Variants in SLC2A9 observed in about 807,000 individuals in gnomAD.
SLC2A9 encodes the protein solute carrier family 2 member 9.
A neutral mutation model predicts 50.6 loss-of-function variants in SLC2A9; 39 were observed. That is an observed-to-expected ratio of 0.77 (90% CI 0.60 to 1.01). The LOEUF is 1.01. Among genes scored for constraint, SLC2A9 ranks in the 50% least tolerant of loss-of-function variants. The probability of loss-of-function intolerance (pLI) is 0.00; values close to 1 mark genes in which losing one functional copy is unlikely to be tolerated. For missense variants in SLC2A9, 686 were observed against 677.6 expected (o/e 1.01, Z -0.14); for synonymous variants, 324 against 276.9 (o/e 1.17, Z -1.69).
intron 1 of SLC2A9, 190 bp from the exon 2 acceptor site, chr4:10,019,263 G>C (rs1763196926): frequency 1.7e-6 from 1 of 598,794 alleles, no homozygotes; most frequent in African/African-American, 1.9e-5. Context: ...AGGTCCGCGT[G>C]CGCAGGCCGG....
intron 2 of SLC2A9, among the ~76,000 whole-genome samples, chr4:10,012,806 G>A (rs933307367): frequency 6.6e-6 from 1 of 152,072 alleles, no homozygotes; most frequent in Non-Finnish European, 1.5e-5. Flanking sequence ...TGGAGAAGAG[G>A]GAGTGAGGGG....
At chr4:9,854,981 T>A (rs774328313) in intron 10 of SLC2A9, among the ~76,000 whole-genome samples, 1 of 152,198 alleles carries the variant, frequency 6.6e-6, no homozygotes, top group Non-Finnish European at 1.5e-5. Context: ...CAGCCATCTA[T>A]GACAGACCCA....
chr4:9,885,307 A>C (rs10939600), intron 10 of SLC2A9, among the ~76,000 whole-genome samples: 2 of 152,014 alleles, frequency 1.3e-5, no homozygotes, highest in African/African-American at 4.8e-5. Flanking sequence ...GAAATTGATA[A>C]GAATGGAATT....
chr4:9,872,222 A>T (rs936953055), intron 10 of SLC2A9, among the ~76,000 whole-genome samples: 3 of 152,134 alleles, frequency 2.0e-5, no homozygotes, highest in African/African-American at 7.2e-5. Flanking sequence ...GATTTTGGGA[A>T]AGTCACAGCA....
At chr4:9,986,567 G>A (rs527973162) in intron 3 of SLC2A9, among the ~76,000 whole-genome samples, 8 of 152,216 alleles carry the variant, frequency 5.3e-5, no homozygotes, top group South Asian at 2.1e-4. Flanking sequence ...CCAGCATAGC[G>A]TTCTACAACT....
At chr4:9,938,702 G>A (rs1024389254) in intron 6 of SLC2A9, among the ~76,000 whole-genome samples, 3 of 152,124 alleles carry the variant, frequency 2.0e-5, no homozygotes, top group Admixed American at 6.6e-5. Flanking sequence ...TTAGAATCTC[G>A]CTTCTGTGAT....
intron 5 of SLC2A9, among the ~76,000 whole-genome samples, chr4:9,957,108 T>C (rs6849729): frequency 0.48 from 73,198 of 151,612 alleles, 19,029 homozygotes; most frequent in African/African-American, 0.67. Flanking sequence ...TGCCCTTTAT[T>C]CACTTCTTGA....
chr4:9,796,704 G>A (rs775027725), downstream of SLC2A9, among the ~76,000 whole-genome samples: 5 of 152,096 alleles, frequency 3.3e-5, no homozygotes, highest in Non-Finnish European at 7.4e-5. Flanking sequence ...TCTGGGCTTG[G>A]CTAGATTCAG....
At position 9,957,572 on chromosome 4, in the gene SLC2A9, C is replaced by T. The variant is rs79238489; in HGVS notation, c.682-15527G>A. ...CAGAACAAATGCAGGGGGCAATACA[C>T]CCTATCAGTAATACCCTCTAAAATA... On this transcript the variant is annotated intron_variant, in intron 5 of 11. Transcript: ENST00000264784. Among the ~76,000 whole-genome samples, 1,458 of 152,224 alleles carry T rather than the reference C, an allele frequency of 9.6e-3. 28 individuals are homozygous for T. The highest frequency in any genetic ancestry group is 0.034 in the African/African-American group (1,401 of 41,536).
At chr4:9,943,075 C>T (rs1748487936) in intron 5 of SLC2A9, among the ~76,000 whole-genome samples, 1 of 152,194 alleles carries the variant, frequency 6.6e-6, no homozygotes, top group African/African-American at 2.4e-5. Context: ...TGGGGACAGC[C>T]TCCCCACCTC....
intron 8 of SLC2A9, among the ~76,000 whole-genome samples, chr4:9,898,776 T>C (rs1048005046): frequency 6.6e-6 from 1 of 152,244 alleles, no homozygotes; most frequent in East Asian, 1.9e-4. Flanking sequence ...CCCTGTTGGT[T>C]GGGCTCTGCC....
At chr4:10,024,480 C>T (rs1206809059), upstream of SLC2A9, among the ~76,000 whole-genome samples, 3 of 152,112 alleles carry the variant, frequency 2.0e-5, no homozygotes, top group South Asian at 2.1e-4. Flanking sequence ...CACGTGAGGA[C>T]GCAGGGAGAA....
At chr4:9,940,973 T>C (rs1052722473) in intron 6 of SLC2A9, among the ~76,000 whole-genome samples, 14 of 152,174 alleles carry the variant, frequency 9.2e-5, no homozygotes, top group Admixed American at 8.5e-4. Flanking sequence ...AATTCAGTCC[T>C]CACAATGGCC....
chr4:10,022,019 A>G (rs934130207), upstream of SLC2A9, among the ~76,000 whole-genome samples: 19 of 152,006 alleles, frequency 1.2e-4, no homozygotes, highest in African/African-American at 4.4e-4. Flanking sequence ...TTGTATTTTT[A>G]GTAGAGACTG....
chr4:9,960,883 C>G (rs1241336442), intron 5 of SLC2A9, among the ~76,000 whole-genome samples: 3 of 152,086 alleles, frequency 2.0e-5, no homozygotes, highest in Non-Finnish European at 4.4e-5. Flanking sequence ...AATTCGGGAG[C>G]CTTCAAGGCT....
At chr4:10,009,436 G>A (rs1183919856) in intron 2 of SLC2A9, 2 of 152,228 alleles carry the variant, frequency 1.3e-5, no homozygotes, top group Non-Finnish European at 2.9e-5. Context: ...AGAGGGAAAT[G>A]TTGATTTTGC....
chr4:9,828,872 T>C (rs1304396243), intron 11 of SLC2A9, among the ~76,000 whole-genome samples: 1 of 152,244 alleles, frequency 6.6e-6, no homozygotes, highest in East Asian at 1.9e-4. Context: ...TCATCATTTT[T>C]CTTGTATTCC....
intron 8 of SLC2A9, among the ~76,000 whole-genome samples, chr4:9,895,858 C>T (rs1197889113): frequency 3.9e-5 from 6 of 152,236 alleles, no homozygotes; most frequent in African/African-American, 7.2e-5. Flanking sequence ...AGGCAACCTC[C>T]GATCTGCTTT....
chr4:9,998,884 A>G (rs35933067), intron 2 of SLC2A9, among the ~76,000 whole-genome samples: 9,545 of 152,282 alleles, frequency 0.063, 622 homozygotes, highest in East Asian at 0.39. Context: ...ACCAACCAAA[A>G]GCAGCCAAAA....
Sources: gnomAD v4.1 joint callset for allele counts (sites outside exome capture counted in the v4.1 genomes callset) on GRCh38, gnomAD v4.1.1 for gene constraint, MANE v1.5 for transcripts, NCBI Gene and HGNC (gene_info 2026-07-23, HGNC 2026-07-21) for gene names.